SPIDR: variants seen among roughly 807,000 people sequenced by gnomAD.
SPIDR encodes DNA repair-scaffolding protein.
SPIDR carries 93 observed loss-of-function variants against 104.6 expected under a neutral mutation model. That is an observed-to-expected ratio of 0.89 (90% CI 0.75 to 1.06). SPIDR has a LOEUF of 1.06. Ranked by LOEUF, SPIDR falls within the 50% of genes least tolerant of loss-of-function variation. The pLI is 0.00. For missense variants in SPIDR, 1,154 were observed against 1,111.2 expected (o/e 1.04, Z -0.55); for synonymous variants, 431 against 416.9 (o/e 1.03, Z -0.41).
chr8:47,280,003 A>C lies in SPIDR; in HGVS notation c.175A>C (p.Thr59Pro). ...WLRCGEGFQN[T>P]SGNPSLTAEE... ...CAGGTGTGGAGAAGGGTTTCAGAAC[A>C]CTTCTGGGAATCCGGTAAAGTATCT... The change falls in exon 2 of 20, where the codon ACT becomes CCT. Residue 59 changes from threonine (T) to proline (P), a missense_variant. Physicochemically the swap from Thr to Pro is conservative, Grantham distance 38. Transcript: ENST00000297423. 6.2e-7 allele frequency: 1 copy of C among 1,612,960 alleles called. No homozygotes were observed.
intron 10 of SPIDR, among the ~76,000 whole-genome samples, chr8:47,669,467 G>T (rs2075495869): frequency 6.6e-6 from 1 of 152,184 alleles, no homozygotes; most frequent in African/African-American, 2.4e-5. Flanking sequence ...GAGTGGGAGA[G>T]CATGTGTGGT....
At position 47,463,203 on chromosome 8, in the gene SPIDR, C is replaced by T. The variant is rs950984489; in HGVS notation, c.1097+22661C>T. Among the ~76,000 whole-genome samples, 4 of 151,092 alleles carry T rather than the reference C, an allele frequency of 2.6e-5. No individual in the cohort carries two copies. The East Asian group carries it at 7.8e-4, about 29-fold the overall frequency. On this transcript the variant is annotated intron_variant, in intron 8 of 19. Coordinates refer to ENST00000297423, the MANE Select transcript of SPIDR (RefSeq NM_001080394.4). Reference sequence around the variant, plus strand: ...GAAACCCCATCTCTACTAAAAAATACAAAAAAAATTAGCTGGGCATGGTGG... The same window carrying T: ...GAAACCCCATCTCTACTAAAAAATATAAAAAAAATTAGCTGGGCATGGTGG...
intron 10 of SPIDR, among the ~76,000 whole-genome samples, chr8:47,616,765 T>G (rs1217956151): frequency 6.6e-6 from 1 of 152,224 alleles, no homozygotes; most frequent in African/African-American, 2.4e-5. Context: ...TGTTGTTACA[T>G]CTTACATTAT....
chr8:47,278,983 C>A (rs1020329730), intron 1 of SPIDR, among the ~76,000 whole-genome samples: 1 of 151,714 alleles, frequency 6.6e-6, no homozygotes, highest in Non-Finnish European at 1.5e-5. Flanking sequence ...AACTCCTGGG[C>A]TCAAGCGATC....
intron 12 of SPIDR, among the ~76,000 whole-genome samples, chr8:47,701,479 T>C (rs114216239): frequency 0.011 from 1,640 of 152,258 alleles, 30 homozygotes; most frequent in African/African-American, 0.037. Flanking sequence ...CTAGATGATA[T>C]TTTCAGTATA....
chr8:47,597,734 G>A (rs561082151), intron 9 of SPIDR, among the ~76,000 whole-genome samples: 175 of 152,250 alleles, frequency 1.1e-3, no homozygotes, highest in Admixed American at 3.3e-3. Context: ...TGCTGGAGTT[G>A]TTTTTTGGAA....
chr8:47,317,168 G>A (rs2045534918), intron 5 of SPIDR, among the ~76,000 whole-genome samples: 1 of 152,194 alleles, frequency 6.6e-6, no homozygotes, highest in Non-Finnish European at 1.5e-5. Context: ...ACCTCACCCA[G>A]GAAGCGCAAG....
chr8:47,517,827 A>G (rs2083396005), intron 8 of SPIDR, among the ~76,000 whole-genome samples: 1 of 152,204 alleles, frequency 6.6e-6, no homozygotes, highest in Non-Finnish European at 1.5e-5. Context: ...ATTTGAGGGT[A>G]GAGATTAATT....
intron 5 of SPIDR, among the ~76,000 whole-genome samples, chr8:47,321,478 A>G (rs571295282): frequency 2.0e-5 from 3 of 152,368 alleles, no homozygotes; most frequent in African/African-American, 7.2e-5. Context: ...TTCCATGCTC[A>G]TGGACAGGAA....
chr8:47,390,475 T>G (rs2060454928), intron 5 of SPIDR, among the ~76,000 whole-genome samples: 1 of 149,582 alleles, frequency 6.7e-6, no homozygotes, highest in South Asian at 2.1e-4. Context: ...TTCATTTGTA[T>G]GTGTGCTATT....
At chr8:47,670,538 T>C (rs1212592428) in intron 10 of SPIDR, among the ~76,000 whole-genome samples, 2 of 152,210 alleles carry the variant, frequency 1.3e-5, no homozygotes, top group Admixed American at 1.3e-4. Flanking sequence ...TAATGTTTTT[T>C]CTTTGTGTTT....
chr8:47,278,650 C>G (rs1323218309), intron 1 of SPIDR, among the ~76,000 whole-genome samples: 1 of 152,090 alleles, frequency 6.6e-6, no homozygotes, highest in African/African-American at 2.4e-5. Context: ...GCTCTGTCAC[C>G]AGGCTGGAGT....
chr8:47,434,281 CTCA>C (rs1554690855), intron 7 of SPIDR, among the ~76,000 whole-genome samples: 2 of 152,042 alleles, frequency 1.3e-5, no homozygotes, highest in Non-Finnish European at 2.9e-5. Context: ...CTGCTGCTTG[CTCA>C]TGATTCTCTG....
intron 10 of SPIDR, among the ~76,000 whole-genome samples, chr8:47,668,741 G>A (rs566833701): frequency 2.6e-5 from 4 of 152,034 alleles, no homozygotes; most frequent in African/African-American, 4.8e-5. Flanking sequence ...TACACTAAAC[G>A]GATTACAAAT....
chr8:47,459,672 G>C (rs1419091489), intron 8 of SPIDR, among the ~76,000 whole-genome samples: 4 of 151,794 alleles, frequency 2.6e-5, no homozygotes, highest in African/African-American at 9.7e-5. Context: ...CTGCTGGTTT[G>C]GGTTTGGTTT....
At chr8:47,480,562 G>A (rs1024429876) in intron 8 of SPIDR, among the ~76,000 whole-genome samples, 4 of 152,216 alleles carry the variant, frequency 2.6e-5, no homozygotes, top group African/African-American at 4.8e-5. Flanking sequence ...GGTGGATGAC[G>A]TCAAATGTCA....
intron 9 of SPIDR, among the ~76,000 whole-genome samples, chr8:47,596,456 A>T (rs1212871018): frequency 2.6e-5 from 4 of 152,210 alleles, no homozygotes; most frequent in Non-Finnish European, 5.9e-5. Flanking sequence ...ATGTAAACGT[A>T]TCTAAACATA....
At chr8:47,451,037 C>T (rs1218374355) in intron 8 of SPIDR, among the ~76,000 whole-genome samples, 1 of 151,866 alleles carries the variant, frequency 6.6e-6, no homozygotes, top group Non-Finnish European at 1.5e-5. Context: ...AAAATATGGC[C>T]CAATACAGGA....
intron 8 of SPIDR, among the ~76,000 whole-genome samples, chr8:47,591,438 T>A (rs1483934279): frequency 6.6e-6 from 1 of 150,856 alleles, no homozygotes; most frequent in East Asian, 1.9e-4. Flanking sequence ...ATTTATTTAT[T>A]TATTTATTTA....
Sources: allele counts gnomAD v4.1 joint callset (sites outside exome capture counted in the v4.1 genomes callset), GRCh38; gene constraint gnomAD v4.1.1; transcripts MANE v1.5; gene names NCBI Gene and HGNC (gene_info 2026-07-23, HGNC 2026-07-21).